SEC14L1: variants seen among roughly 807,000 people sequenced by gnomAD.
SEC14L1 encodes SEC14 like lipid binding 1.
SEC14L1 carries 48 observed loss-of-function variants against 85.3 expected under a neutral mutation model. The ratio of observed to expected loss-of-function variants is 0.56; its 90% CI spans 0.45 to 0.72. The LOEUF (loss-of-function observed/expected upper bound fraction) is 0.72. SEC14L1 is among the 30% of genes least tolerant of loss of function. SEC14L1 has a pLI of 0.00. For synonymous variants in SEC14L1, 391 were observed against 355.5 expected (o/e 1.10, Z -1.12); for missense variants, 682 against 921.4 (o/e 0.74, Z 3.36).
chr17:77,175,108 T>G (rs1026202941), intron 3 of SEC14L1, among the ~76,000 whole-genome samples: 2 of 152,204 alleles, frequency 1.3e-5, no homozygotes, highest in African/African-American at 4.8e-5. Context: ...GAGGGTTGTT[T>G]GCAGGCCAGA....
intron 3 of SEC14L1, among the ~76,000 whole-genome samples, chr17:77,158,425 G>A (rs1293430743): frequency 6.6e-6 from 1 of 152,116 alleles, no homozygotes; most frequent in Non-Finnish European, 1.5e-5. Context: ...TTGACCTTTT[G>A]CGTAACTTGG....
Position 77,212,206 on chromosome 17 carries a change from A to C in SEC14L1, c.1863+5A>C. The C allele has an allele frequency of 6.2e-7, 1 of 1,612,762 alleles. No individual in the cohort carries two copies. The highest frequency in any genetic ancestry group is 8.5e-7 in the Non-Finnish European group (1 of 1,179,520). On this transcript the variant is annotated splice_donor_5th_base_variant and intron_variant, in intron 15 of 16. Coordinates refer to ENST00000436233, the MANE Select transcript of SEC14L1 (RefSeq NM_001143998.2). ...AAAGAAGGAGAAAGCGTGCAGGTAA[A>C]ATCACACACAGGTCAAATCGCGCAT...
At chr17:77,140,744 GC>G (rs1336120154), upstream of SEC14L1, 1 of 151,890 alleles carries the variant, frequency 6.6e-6, no homozygotes, top group Non-Finnish European at 1.5e-5. Context: ...GTGCGACGGG[GC>G]CGGCGCCTTC....
intron 3 of SEC14L1, among the ~76,000 whole-genome samples, chr17:77,131,001 TAGG>T (rs1972594857): frequency 6.6e-6 from 1 of 152,086 alleles, no homozygotes; most frequent in African/African-American, 2.4e-5. Context: ...GCTATTAAAA[TAGG>T]AGAAAATTAG....
At chr17:77,153,216 G>A (rs1973646540) in intron 3 of SEC14L1, among the ~76,000 whole-genome samples, 1 of 152,128 alleles carries the variant, frequency 6.6e-6, no homozygotes, top group African/African-American at 2.4e-5. Flanking sequence ...ACAGGCATGC[G>A]CCACCACGCC....
In SEC14L1 at chr17:77,193,504, A is replaced by C. The variant is rs1049427; in HGVS notation, c.429A>C (p.Thr143=). ...AATCTTTCTTTGGTTTTGAAAGTAC[A>C]GTGGAAAAAATTGCAATGAAACAAT... ...DIKSFFGFES[T]VEKIAMKQYT... Residue 143 remains threonine, a synonymous_variant, in exon 6 of 17, where the codon ACA becomes ACC. Coordinates refer to ENST00000436233, the MANE Select transcript of SEC14L1 (RefSeq NM_001143998.2). The C allele has an allele frequency of 6.2e-7, 1 of 1,612,732 alleles. No individual in the cohort carries two copies. Among genetic ancestry groups the C allele is most frequent in the South Asian group, 1.1e-5 (1 of 90,806 alleles).
chr17:77,124,591 G>A (rs1415561021), intron 3 of SEC14L1, among the ~76,000 whole-genome samples: 3 of 152,132 alleles, frequency 2.0e-5, no homozygotes, highest in Non-Finnish European at 2.9e-5. Flanking sequence ...TGTGAAAAGC[G>A]CTAAGCTTTT....
intron 3 of SEC14L1, among the ~76,000 whole-genome samples, chr17:77,123,879 A>T (rs1486270494): frequency 6.6e-6 from 1 of 152,184 alleles, no homozygotes; most frequent in Non-Finnish European, 1.5e-5. Flanking sequence ...TGCCATGTAG[A>T]CGGTCTGTGT....
Position 77,201,450 on chromosome 17 carries a change from G to T in SEC14L1, c.1009+777G>T, listed in dbSNP as rs1598391494. 4.9e-5 allele frequency among the ~76,000 whole-genome samples: 7 copies of T among 144,122 alleles called. No homozygotes were observed. In the South Asian group the frequency reaches 1.6e-3, roughly 33 times the overall value. The allele number at this position is 144,122 out of a possible 152,430, so 94.5% of individuals were successfully genotyped here. A position where few individuals can be genotyped will look rare whatever the true frequency, so the allele number is the denominator to read the frequency against. Reference sequence around the variant, plus strand: ...TTGGTAGTAAGACATTGACAAATGTGTCTTTTTTTTTTTTTTTTGAGACAG... The same window carrying T: ...TTGGTAGTAAGACATTGACAAATGTTTCTTTTTTTTTTTTTTTTGAGACAG... On this transcript the variant is annotated intron_variant, in intron 9 of 16. Coordinates refer to ENST00000436233, the MANE Select transcript of SEC14L1 (RefSeq NM_001143998.2).
chr17:77,114,059 CAAA>C (rs1446733944), intron 3 of SEC14L1, among the ~76,000 whole-genome samples: 1 of 152,156 alleles, frequency 6.6e-6, no homozygotes, highest in Non-Finnish European at 1.5e-5. Flanking sequence ...AATGCGGGTG[CAAA>C]TAAAATCAGC....
At position 77,157,004 on chromosome 17, in the gene SEC14L1, G is replaced by C. The variant is rs554847222; in HGVS notation, c.63+13345G>C. ...GTAAAATTCTTGACTCTGGTGGAAT[G>C]GTAATCTGACTTTAAGATTTCTCCA... is the stretch of plus-strand genomic sequence containing the variant. On this transcript the variant is annotated intron_variant, in intron 3 of 16. Transcript: ENST00000436233. 1.3e-3 allele frequency among the ~76,000 whole-genome samples: 205 copies of C among 152,216 alleles called. 1 individual carries two copies. The highest frequency in any genetic ancestry group is 4.8e-3 in the African/African-American group (200 of 41,538).
At chr17:77,150,999 T>G (rs944785937) in intron 3 of SEC14L1, among the ~76,000 whole-genome samples, 3 of 152,246 alleles carry the variant, frequency 2.0e-5, no homozygotes, top group Non-Finnish European at 4.4e-5. Flanking sequence ...GGCCTTTTTG[T>G]ATTTCTGATT....
At chr17:77,203,882 G>A (rs950219685) in intron 10 of SEC14L1, among the ~76,000 whole-genome samples, 1 of 152,106 alleles carries the variant, frequency 6.6e-6, no homozygotes. Flanking sequence ...GGTCTCCCCC[G>A]AGATGCCTGT....
intron 3 of SEC14L1, among the ~76,000 whole-genome samples, chr17:77,111,191 G>GAAAAAAAAAAAAAAAAAAAA (rs57425211): frequency 9.9e-6 from 1 of 101,116 alleles, no homozygotes. Context: ...GTCTCAAAAA[G>GAAAAAAAAAAAAAAAAAAAA]AAAAAAAAAA....
intron 3 of SEC14L1, among the ~76,000 whole-genome samples, chr17:77,096,078 A>G (rs1409885364): frequency 1.4e-5 from 2 of 142,182 alleles, no homozygotes; most frequent in South Asian, 2.3e-4. Flanking sequence ...TTTTTTTTAA[A>G]TAGAGATGAG....
chr17:77,118,741 A>G (rs1196617979), intron 3 of SEC14L1, among the ~76,000 whole-genome samples: 1 of 152,216 alleles, frequency 6.6e-6, no homozygotes, highest in South Asian at 2.1e-4. Context: ...GCAGGCGTGC[A>G]TGCAGGCGGT....
upstream of SEC14L1, among the ~76,000 whole-genome samples, chr17:77,140,399 C>CTT (rs994728534): frequency 1.1e-4 from 17 of 152,242 alleles, no homozygotes; most frequent in Non-Finnish European, 1.6e-4. Context: ...CGGCGTCCGC[C>CTT]TCCTCCCCAT....
chr17:77,107,164 G>A (rs1485379034), intron 3 of SEC14L1, among the ~76,000 whole-genome samples: 2 of 152,136 alleles, frequency 1.3e-5, no homozygotes, highest in Admixed American at 6.5e-5. Flanking sequence ...GACCCACAGG[G>A]GAAAGAACAA....
chr17:77,105,915 C>CA (rs1971904084), intron 3 of SEC14L1, among the ~76,000 whole-genome samples: 1 of 151,522 alleles, frequency 6.6e-6, no homozygotes, highest in African/African-American at 2.4e-5. Flanking sequence ...TAAAAAGCCC[C>CA]AGGGAGGGGA....
Sources: gnomAD v4.1 joint callset for allele counts (sites outside exome capture counted in the v4.1 genomes callset) on GRCh38, gnomAD v4.1.1 for gene constraint, MANE v1.5 for transcripts, NCBI Gene and HGNC (gene_info 2026-07-23, HGNC 2026-07-21) for gene names.